Variants in RAP1GAP2 observed in about 807,000 individuals in gnomAD.
The protein encoded by RAP1GAP2 is RAP1 GTPase activating protein 2.
RAP1GAP2 carries 27 observed loss-of-function variants against 95.0 expected under a neutral mutation model. The ratio of observed to expected loss-of-function variants is 0.28; its 90% CI spans 0.21 to 0.39. The LOEUF (loss-of-function observed/expected upper bound fraction) is 0.39, where lower values mean the gene tolerates loss of function less well. RAP1GAP2 is among the 10% of genes least tolerant of loss of function. RAP1GAP2 has a pLI of 1.00. For synonymous variants in RAP1GAP2, 373 were observed against 380.9 expected (o/e 0.98, Z 0.24); for missense variants, 771 against 970.0 (o/e 0.79, Z 2.72).
At chr17:2,872,922 C>G (rs1160795825) in intron 2 of RAP1GAP2, among the ~76,000 whole-genome samples, 1 of 151,822 alleles carries the variant, frequency 6.6e-6, no homozygotes, top group Non-Finnish European at 1.5e-5. Context: ...CCTCAGCCTC[C>G]CAAAAGTGGG....
chr17:2,929,384 G>A (rs2043069408), intron 3 of RAP1GAP2, among the ~76,000 whole-genome samples: 1 of 152,050 alleles, frequency 6.6e-6, no homozygotes, highest in East Asian at 1.9e-4. Flanking sequence ...GCAATCCCCT[G>A]GCCCCGCCAG....
intron 3 of RAP1GAP2, among the ~76,000 whole-genome samples, chr17:2,935,045 C>T (rs2043261821): frequency 6.6e-6 from 1 of 152,180 alleles, no homozygotes. Context: ...TTAGACAATA[C>T]ACCCAAGCCC....
intron 3 of RAP1GAP2, among the ~76,000 whole-genome samples, chr17:2,930,269 C>T (rs564541359): frequency 2.0e-5 from 3 of 152,308 alleles, no homozygotes; most frequent in South Asian, 2.1e-4. Flanking sequence ...ATCAGTACCA[C>T]GTGGGAGCCT....
rs578066792 is a variant in RAP1GAP2 at position 2,898,670 on chromosome 17, G to A, written c.81-6614G>A. 9.9e-5 allele frequency among the ~76,000 whole-genome samples: 15 copies of A among 152,274 alleles called. No individual in the cohort carries two copies. The East Asian group carries it at 1.7e-3, about 18-fold the overall frequency. On this transcript the variant is annotated intron_variant, in intron 2 of 24. Coordinates refer to ENST00000254695, the MANE Select transcript of RAP1GAP2 (RefSeq NM_015085.5). ...CAGATCTGAAGATGTCCCTGCCCCC[G>A]TCCACCTCTGCCTTCTGATCAGCTT...
At chr17:2,955,939 CCTGT>C (rs1330300026) in intron 3 of RAP1GAP2, among the ~76,000 whole-genome samples, 5 of 152,248 alleles carry the variant, frequency 3.3e-5, no homozygotes, top group Admixed American at 1.3e-4. Context: ...AACATTTGAG[CCTGT>C]CTGTCTTTGT....
At chr17:2,766,653 A>G (rs754899203) in intron 1 of RAP1GAP2, among the ~76,000 whole-genome samples, 2 of 151,740 alleles carry the variant, frequency 1.3e-5, no homozygotes, top group Non-Finnish European at 2.9e-5. Context: ...TAGTGTCTGT[A>G]TACGAAGATG....
intron 3 of RAP1GAP2, among the ~76,000 whole-genome samples, chr17:2,913,167 A>C (rs906753628): frequency 2.0e-5 from 3 of 151,166 alleles, no homozygotes; most frequent in African/African-American, 7.3e-5. Context: ...GACAGAGCAA[A>C]ATCCTGTTTC....
intron 3 of RAP1GAP2, among the ~76,000 whole-genome samples, chr17:2,908,133 G>A (rs572045961): frequency 6.6e-6 from 1 of 152,106 alleles, no homozygotes; most frequent in Non-Finnish European, 1.5e-5. Flanking sequence ...GTCATTTTCC[G>A]GTGATTTGTA....
chr17:2,995,284 C>A, intron 12 of RAP1GAP2, 53 bp from the exon 13 acceptor site: 1 of 1,582,240 alleles, frequency 6.3e-7, no homozygotes, highest in Non-Finnish European at 8.7e-7. Flanking sequence ...ATTAAGTTGC[C>A]CACTTTGCCT....
rs921783706 is a variant in RAP1GAP2, at chr17:2,823,609, C to T, written c.80+23059C>T. Among the ~76,000 whole-genome samples, 13 of 152,150 alleles carry T rather than the reference C, an allele frequency of 8.5e-5. 1 individual carries two copies. Among genetic ancestry groups the T allele is most frequent in the African/African-American group, 3.1e-4 (13 of 41,442 alleles). On this transcript the variant is annotated intron_variant, in intron 2 of 24. Transcript: ENST00000254695. ...GCCCTCCAGAAAAGTGTGCCACTCG[C>T]TCCTCTCCGGCTGGGCCGTCAGAAC...
At chr17:2,949,229 G>A (rs902532833) in intron 3 of RAP1GAP2, among the ~76,000 whole-genome samples, 8 of 152,208 alleles carry the variant, frequency 5.3e-5, no homozygotes, top group African/African-American at 1.7e-4. Flanking sequence ...GGTGGCAAGA[G>A]CTGCTGCTGC....
At chr17:2,828,602 GC>G (rs1164443901) in intron 2 of RAP1GAP2, among the ~76,000 whole-genome samples, 4 of 152,052 alleles carry the variant, frequency 2.6e-5, no homozygotes, top group Non-Finnish European at 5.9e-5. Flanking sequence ...TTCCCCGTCC[GC>G]CAGCAGGTGG....
chr17:2,984,077 G>A (rs55743532), intron 10 of RAP1GAP2, among the ~76,000 whole-genome samples: 10,581 of 152,276 alleles, frequency 0.069, 626 homozygotes, highest in East Asian at 0.18. Context: ...TAGGCTGGGC[G>A]TGGTAGCTCA....
rs546273641 is a variant in RAP1GAP2 at position 2,867,846 on chromosome 17, G to A, written c.81-37438G>A. On this transcript the variant is annotated intron_variant, in intron 2 of 24. Coordinates refer to ENST00000254695, the MANE Select transcript of RAP1GAP2 (RefSeq NM_015085.5). This position sits in a 1 kb window ranked among gnomAD's most constrained non-coding sequence, Gnocchi z 4.5. ...CTTGTCAACTTGGCTGGTGGCTGCAGCTGCTGGTACCCTCCCAGACGCAAG... is the reference window on the plus strand; with the variant it reads ...CTTGTCAACTTGGCTGGTGGCTGCAACTGCTGGTACCCTCCCAGACGCAAG... 1.2e-4 allele frequency among the ~76,000 whole-genome samples: 19 copies of A among 152,282 alleles called. No individual in the cohort carries two copies. The East Asian group carries it at 3.7e-3, about 29-fold the overall frequency.
chr17:2,816,088 GC>G (rs1435630589), intron 2 of RAP1GAP2, among the ~76,000 whole-genome samples: 5 of 152,296 alleles, frequency 3.3e-5, no homozygotes, highest in African/African-American at 7.2e-5. Context: ...AGCCCAAGGT[GC>G]CCCTTGTTTC....
intron 3 of RAP1GAP2, among the ~76,000 whole-genome samples, chr17:2,923,229 G>T (rs957999722): frequency 4.6e-5 from 7 of 151,956 alleles, no homozygotes; most frequent in Admixed American, 4.6e-4. Context: ...TAATAGAGAT[G>T]GGGTTTCACC....
chr17:2,785,991 T>G (rs1159850934), intron 1 of RAP1GAP2, among the ~76,000 whole-genome samples: 2 of 136,156 alleles, frequency 1.5e-5, no homozygotes, highest in African/African-American at 5.5e-5. Context: ...AACCTCCACC[T>G]CCCGGGTTCA....
intron 17 of RAP1GAP2, among the ~76,000 whole-genome samples, chr17:3,013,233 C>T (rs972351863): frequency 1.1e-4 from 16 of 152,296 alleles, no homozygotes; most frequent in African/African-American, 2.6e-4. Flanking sequence ...ACCTGTAAGC[C>T]GGTCCCCCTA....
intron 2 of RAP1GAP2, among the ~76,000 whole-genome samples, chr17:2,849,889 G>A (rs546998701): frequency 6.6e-6 from 1 of 152,272 alleles, no homozygotes; most frequent in African/African-American, 2.4e-5. Flanking sequence ...TGGCCTTGGA[G>A]CAGAGTAATG....
Sources: gnomAD v4.1 joint callset for allele counts (sites outside exome capture counted in the v4.1 genomes callset) on GRCh38, gnomAD v4.1.1 for gene constraint, Gnocchi (gnomAD v3.1) non-coding constraint, MANE v1.5 for transcripts, NCBI Gene and HGNC (gene_info 2026-07-23, HGNC 2026-07-21) for gene names.